SRGAP1: variants seen among roughly 807,000 people sequenced by gnomAD.
The protein encoded by SRGAP1 is SLIT-ROBO Rho GTPase activating protein 1, also known as SLIT-ROBO Rho GTPase-activating protein 1.
In SRGAP1, 43 loss-of-function variants were observed where a neutral mutation model predicts 121.9. The observed-to-expected ratio is 0.35, with a 90% CI of 0.28 to 0.46. The LOEUF (loss-of-function observed/expected upper bound fraction) is 0.46. Ranked by LOEUF, SRGAP1 falls within the 20% of genes least tolerant of loss-of-function variation. The pLI, the probability that SRGAP1 is intolerant of heterozygous loss-of-function variation, is 1.00. For synonymous variants in SRGAP1, 447 were observed against 485.4 expected (o/e 0.92, Z 1.04); for missense variants, 1,102 against 1,350.9 (o/e 0.82, Z 2.89).
At position 64,044,674 on chromosome 12, in the gene SRGAP1, CTTTTTTTTTT is replaced by C. The variant is rs558248193; in HGVS notation, c.801+1115_801+1124del. Among the ~76,000 whole-genome samples, 13 of 72,118 alleles carry C rather than the reference CTTTTTTTTTT, an allele frequency of 1.8e-4. 1 individual carries two copies. The highest frequency in any genetic ancestry group is 3.2e-4 in the African/African-American group (7 of 21,722). 47.3% of individuals were successfully genotyped at this position (72,118 alleles called of 152,430 possible). ...AGCTTATTAACACTCTGATGTGCCTCTTTTTTTTTTTTTTTTTTTTTTTTTAAGACAGAGT... is the reference window on the plus strand; with the variant it reads ...AGCTTATTAACACTCTGATGTGCCTCTTTTTTTTTTTTTTTAAGACAGAGT... On this transcript the variant is annotated intron_variant, in intron 6 of 21. Transcript: ENST00000355086.
intron 18 of SRGAP1, among the ~76,000 whole-genome samples, chr12:64,125,152 T>A (rs1195877931): frequency 6.6e-6 from 1 of 152,216 alleles, no homozygotes; most frequent in Non-Finnish European, 1.5e-5. Context: ...CAACCACTAA[T>A]ATATTCTCTA....
intron 21 of SRGAP1, among the ~76,000 whole-genome samples, chr12:64,130,522 C>CACAG (rs2036768787): frequency 6.6e-6 from 1 of 152,188 alleles, no homozygotes; most frequent in Admixed American, 6.5e-5. Flanking sequence ...ATGTATTGGA[C>CACAG]ACAGATTCAG....
intron 1 of SRGAP1, among the ~76,000 whole-genome samples, chr12:63,918,129 A>T (rs1440877530): frequency 1.3e-5 from 2 of 152,216 alleles, no homozygotes; most frequent in African/African-American, 4.8e-5. Flanking sequence ...TAAAGAATGC[A>T]GATTGCTCAA....
At chr12:63,902,041 G>A (rs117773857) in intron 1 of SRGAP1, among the ~76,000 whole-genome samples, 2 of 152,222 alleles carry the variant, frequency 1.3e-5, no homozygotes, top group Admixed American at 6.5e-5. Context: ...GCTGGGGAGT[G>A]TGGTGGCTCA....
chr12:64,097,156 A>G (rs2136593862), intron 14 of SRGAP1, 85 bp from the exon 15 acceptor site: 1 of 1,352,974 alleles, frequency 7.4e-7, no homozygotes, highest in South Asian at 1.5e-5. Context: ...ATGTATATAT[A>G]GCAACGTGTA....
intron 21 of SRGAP1, among the ~76,000 whole-genome samples, chr12:64,132,762 A>G (rs891852231): frequency 6.6e-6 from 1 of 152,256 alleles, no homozygotes; most frequent in Non-Finnish European, 1.5e-5. Flanking sequence ...GGACCAGTGT[A>G]ATATCTTGCG....
chr12:64,018,474 G>T (rs1178939101), intron 4 of SRGAP1, among the ~76,000 whole-genome samples: 1 of 152,080 alleles, frequency 6.6e-6, no homozygotes, highest in Non-Finnish European at 1.5e-5. Context: ...TCCTAAAAAG[G>T]CACGTGTGTA....
intron 3 of SRGAP1, among the ~76,000 whole-genome samples, chr12:64,012,551 C>T (rs916344406): frequency 5.9e-4 from 46 of 77,650 alleles, no homozygotes; most frequent in Non-Finnish European, 6.6e-4. Context: ...AAGTTATTAT[C>T]TTTTTTTTTT....
At chr12:63,894,098 C>T (rs1437383612) in intron 1 of SRGAP1, among the ~76,000 whole-genome samples, 1 of 152,226 alleles carries the variant, frequency 6.6e-6, no homozygotes, top group African/African-American at 2.4e-5. Flanking sequence ...CTCAGCCTCC[C>T]AAAGTGCTGG....
At chr12:63,853,168 C>T (rs144554922) in intron 1 of SRGAP1, among the ~76,000 whole-genome samples, 4,004 of 151,748 alleles carry the variant, frequency 0.026, 195 homozygotes, top group African/African-American at 0.09. Flanking sequence ...TACAGGCACC[C>T]GCCACCATGC....
At chr12:64,061,189 A>C (rs2035444659) in intron 6 of SRGAP1, among the ~76,000 whole-genome samples, 1 of 152,202 alleles carries the variant, frequency 6.6e-6, no homozygotes, top group Non-Finnish European at 1.5e-5. Flanking sequence ...TGAAGATTCA[A>C]GAATCTCAAA....
intron 1 of SRGAP1, among the ~76,000 whole-genome samples, chr12:63,949,398 TA>T (rs1565964884): frequency 0.1 from 1,316 of 12,826 alleles, 4 homozygotes; most frequent in Middle Eastern, 0.3. Flanking sequence ...TTTTATTATT[TA>T]TTATTATTAT....
intron 18 of SRGAP1, chr12:64,120,614 G>A (rs2036591784): frequency 6.6e-6 from 1 of 152,014 alleles, no homozygotes; most frequent in African/African-American, 2.4e-5. Context: ...GTTGTAGAAA[G>A]TTCTAGAACA....
At chr12:63,862,812 A>G (rs779424802) in intron 1 of SRGAP1, among the ~76,000 whole-genome samples, 1 of 152,198 alleles carries the variant, frequency 6.6e-6, no homozygotes, top group African/African-American at 2.4e-5. Flanking sequence ...CCTTCTGCTC[A>G]TATTGATTAC....
At chr12:63,898,299 A>G (rs989282873) in intron 1 of SRGAP1, among the ~76,000 whole-genome samples, 2 of 152,380 alleles carry the variant, frequency 1.3e-5, no homozygotes, top group East Asian at 3.9e-4. Flanking sequence ...TCACAGTTAT[A>G]GAATGTAATA....
chr12:64,136,196 G>A (rs2036853762), intron 21 of SRGAP1, among the ~76,000 whole-genome samples: 1 of 152,114 alleles, frequency 6.6e-6, no homozygotes, highest in African/African-American at 2.4e-5. Context: ...CTTCAATCAA[G>A]TTGACACTCA....
chr12:63,895,234 C>T (rs1277868210), intron 1 of SRGAP1, among the ~76,000 whole-genome samples: 3 of 152,160 alleles, frequency 2.0e-5, no homozygotes, highest in African/African-American at 7.2e-5. Context: ...CTAGAGCCTT[C>T]TTTGGCTCCT....
At chr12:64,094,771 A>T (rs1214570096) in intron 12 of SRGAP1, among the ~76,000 whole-genome samples, 161 bp from the exon 13 acceptor site, 1 of 152,244 alleles carries the variant, frequency 6.6e-6, no homozygotes, top group East Asian at 1.9e-4. Flanking sequence ...CTCTAGGCAC[A>T]GCAAAGTAAG....
chr12:63,861,895 G>A (rs1478139457), intron 1 of SRGAP1, among the ~76,000 whole-genome samples: 1 of 152,132 alleles, frequency 6.6e-6, no homozygotes, highest in Non-Finnish European at 1.5e-5. Context: ...GATGAGGTGG[G>A]TGGATCACCT....
Sources: allele counts gnomAD v4.1 joint callset (sites outside exome capture counted in the v4.1 genomes callset), GRCh38; gene constraint gnomAD v4.1.1; transcripts MANE v1.5; gene names NCBI Gene and HGNC (gene_info 2026-07-23, HGNC 2026-07-21).